The following CCDC183 variants were observed in gnomAD, a reference collection of about 807,000 sequenced individuals.
CCDC183 encodes coiled-coil domain-containing protein 183.
Under a neutral mutation model 65.2 loss-of-function variants are expected in CCDC183, and 63 were observed. The ratio of observed to expected loss-of-function variants is 0.97; its 90% confidence interval spans 0.79 to 1.19. CCDC183 has a LOEUF of 1.19. Among genes scored for constraint, CCDC183 ranks in the 50% most tolerant of loss-of-function variants. The pLI is 0.00. For missense variants in CCDC183, 769 were observed against 689.3 expected (o/e 1.12, Z -1.30); for synonymous variants, 323 against 276.5 (o/e 1.17, Z -1.67).
intron 3 of CCDC183, 54 bp downstream of exon 3, chr9:136,799,844 C>A (rs957194181): frequency 6.5e-7 from 1 of 1,538,642 alleles, no homozygotes; most frequent in Admixed American, 1.8e-5. Context: ...CTGCCAGCAC[C>A]CCCCCACTAG....
At chr9:136,807,419 G>A in intron 13 of CCDC183, 153 bp from the exon 14 acceptor site, 1 of 1,003,648 alleles carries the variant, frequency 1.0e-6, no homozygotes, top group Non-Finnish European at 1.4e-6. Flanking sequence ...GAGCCGCTGC[G>A]AATGGGCTGG....
chr9:136,800,663 T>C, intron 5 of CCDC183, 170 bp downstream of exon 5: 1 of 598,802 alleles, frequency 1.7e-6, no homozygotes, highest in Non-Finnish European at 3.0e-6. Flanking sequence ...AACTTCATTT[T>C]TGGCTATTCC....
In CCDC183 at chr9:136,804,851, G is replaced by A. The variant is rs1207200751; in HGVS notation, c.847+35G>A. 1.3e-6 allele frequency: 2 copies of A among 1,592,794 alleles called. No homozygotes were observed. The highest frequency in any genetic ancestry group is 1.7e-6 in the Non-Finnish European group (2 of 1,161,330). On this transcript the variant is annotated intron_variant, in intron 8 of 13. Coordinates refer to ENST00000338005, the MANE Select transcript of CCDC183 (RefSeq NM_001039374.5). The surrounding 1 kb of genome is among the most constrained non-coding windows in gnomAD (Gnocchi z 4.1). Reference sequence around the variant, plus strand: ...CAGCTCCCCACCTGCCCCCAGCCAGGGTCCCAAGGAGAGGCTGGCACTGAT... The same window carrying A: ...CAGCTCCCCACCTGCCCCCAGCCAGAGTCCCAAGGAGAGGCTGGCACTGAT...
In CCDC183 at chr9:136,800,458, C is replaced by T; in HGVS notation, c.508C>T (p.Leu170=). 6.2e-7 allele frequency: 1 copy of T among 1,612,808 alleles called. No individual in the cohort carries two copies. The highest frequency in any genetic ancestry group is 8.5e-7 in the Non-Finnish European group (1 of 1,179,424). Residue 170 remains leucine, a synonymous_variant, in exon 5 of 14, where the codon CTG becomes TTG. Transcript: ENST00000338005. ...IKIITSQNIH[L]LYLDLLDYLK... is the part of the protein sequence containing the mutation. ...GATCATCACCAGCCAGAACATCCACCTGCTGTATTTGGACCTGCTGGATTA... is the reference window on the plus strand; with the variant it reads ...GATCATCACCAGCCAGAACATCCACTTGCTGTATTTGGACCTGCTGGATTA...
At position 136,803,463 on chromosome 9, in the gene CCDC183, A is replaced by G. The variant is rs185841938; in HGVS notation, c.666+677A>G. Reference sequence around the variant, plus strand: ...AGGAGCCATGAAGTAGAGGAGAGGGAGAGAACTGGCCGGGCCAGGGCGGGG... The same window carrying G: ...AGGAGCCATGAAGTAGAGGAGAGGGGGAGAACTGGCCGGGCCAGGGCGGGG... On this transcript the variant is annotated intron_variant, in intron 6 of 13. Coordinates refer to ENST00000338005, the MANE Select transcript of CCDC183 (RefSeq NM_001039374.5). 4.0e-3 allele frequency among the ~76,000 whole-genome samples: 605 copies of G among 152,100 alleles called. 3 individuals are homozygous for G. The highest frequency in any genetic ancestry group is 0.014 in the African/African-American group (576 of 41,512).
rs1402108096 is a variant in CCDC183, at chr9:136,807,712, T to C, written c.*22T>C. 7 of 1,583,212 alleles carry C rather than the reference T, an allele frequency of 4.4e-6. No homozygotes were observed. The highest frequency in any genetic ancestry group is 6.0e-6 in the Non-Finnish European group (7 of 1,164,782). ...GTAGCCCCGCCGCCCCGCTCCCTGC[T>C]TTGCTACACAAATAAACATTTTTCC... On this transcript the variant is annotated 3_prime_UTR_variant, in exon 14 of 14. Transcript: ENST00000338005.
At position 136,806,811 on chromosome 9, in the gene CCDC183, G is replaced by T. The variant is rs567970505; in HGVS notation, c.1333G>T (p.Glu445Ter). The stretch of plus-strand genomic sequence containing the variant: ...TTTGAACAGCAAGCTGGCGTACTGC[G>T]AGGGGAAGCTCACGTACCTGGCTGA... ...LDLNSKLAYCEGKLTYLADRV... is the reference protein window; with the variant it reads ...LDLNSKLAYC The change falls in exon 12 of 14, where the codon GAG becomes TAG. Residue 445 changes from glutamate to a stop codon, truncating the protein, a stop_gained. Transcript: ENST00000338005. LOFTEE classifies it high-confidence loss of function. The T allele has an allele frequency of 6.2e-7, 1 of 1,613,638 alleles. No homozygotes were observed. The highest frequency in any genetic ancestry group is 1.7e-5 in the Admixed American group (1 of 60,024).
At chr9:136,801,358 T>C (rs1239741892) in intron 5 of CCDC183, among the ~76,000 whole-genome samples, 5 of 148,224 alleles carry the variant, frequency 3.4e-5, no homozygotes, top group African/African-American at 4.9e-5. Flanking sequence ...GCCTGGGTGC[T>C]TTCTGTTCCT....
intron 9 of CCDC183, 75 bp from the exon 10 acceptor site, chr9:136,806,003 G>C: frequency 7.9e-7 from 1 of 1,268,984 alleles, no homozygotes; most frequent in East Asian, 2.5e-5. Context: ...GGGCCCAGAA[G>C]AAACCAGTTC....
intron 6 of CCDC183, among the ~76,000 whole-genome samples, chr9:136,803,630 C>A (rs1463729198): frequency 6.6e-6 from 1 of 152,242 alleles, no homozygotes; most frequent in Non-Finnish European, 1.5e-5. Context: ...AGCCCCTGAG[C>A]CAGCTCAGCA....
intron 1 of CCDC183, among the ~76,000 whole-genome samples, chr9:136,798,839 C>T (rs1030377193): frequency 6.6e-6 from 1 of 152,218 alleles, no homozygotes; most frequent in Non-Finnish European, 1.5e-5. Context: ...GACCACAGGA[C>T]CCTGCCATCC....
chr9:136,804,285 C>T lies in CCDC183; in HGVS notation c.667-217C>T, dbSNP rs886784791. The stretch of plus-strand genomic sequence containing the variant: ...GGCCAGCGGCTGGAGGGCAGCAGAG[C>T]GTCTGGGCTGGCACATGCTCTGAGG... On this transcript the variant is annotated intron_variant, in intron 6 of 13. Transcript: ENST00000338005. The surrounding 1 kb of genome is among the most constrained non-coding windows in gnomAD (Gnocchi z 4.1). 9 of 580,864 alleles carry T rather than the reference C, an allele frequency of 1.5e-5. 1 individual carries two copies. Among genetic ancestry groups the T allele is most frequent in the South Asian group, 8.2e-5 (4 of 48,628 alleles). 36.0% of individuals were successfully genotyped at this position (580,864 alleles called of 1,614,324 possible). A position where few individuals can be genotyped will look rare whatever the true frequency, so the allele number is the denominator to read the frequency against.
intron 2 of CCDC183, 136 bp from the exon 3 acceptor site, chr9:136,799,577 C>A: frequency 1.2e-6 from 1 of 800,116 alleles, no homozygotes. Context: ...CCGCGGCTCT[C>A]TGCTCCTCGT....
At position 136,796,477 on chromosome 9, in the gene CCDC183, C is replaced by T; in HGVS notation, c.70+10C>T. On this transcript the variant is annotated intron_variant, in intron 1 of 13. Transcript: ENST00000338005. Reference sequence around the variant, plus strand: ...ATCACTCAGCTCCAGGGTGAGCCTGCACCGCCGTGACCAGTCTCCCTTTCC... The same window carrying T: ...ATCACTCAGCTCCAGGGTGAGCCTGTACCGCCGTGACCAGTCTCCCTTTCC... The T allele has an allele frequency of 3.2e-6, 5 of 1,550,776 alleles. No individual in the cohort carries two copies. The highest frequency in any genetic ancestry group is 4.4e-6 in the Non-Finnish European group (5 of 1,143,576).
rs1847771779 is a variant in CCDC183, at chr9:136,803,182, GATGGGGTCAAGGTGAGCTCA to G, written c.666+397_666+416del. On this transcript the variant is annotated intron_variant, in intron 6 of 13. Coordinates refer to ENST00000338005, the MANE Select transcript of CCDC183 (RefSeq NM_001039374.5). ...CAGGGCCAGCCCTCTTGGATCTTCG[GATGGGGTCAAGGTGAGCTCA>G]GGGCCCAGGGCTGGGGGCCCCCCAG... Among the ~76,000 whole-genome samples the G allele has an allele frequency of 9.3e-5, 4 of 43,000 alleles. 1 individual carries two copies. The highest frequency in any genetic ancestry group is 5.1e-4 in the African/African-American group (4 of 7,848). 28.2% of individuals were successfully genotyped at this position (43,000 alleles called of 152,430 possible). A position where few individuals can be genotyped will look rare whatever the true frequency, so the allele number is the denominator to read the frequency against.
chr9:136,799,877 C>A, intron 3 of CCDC183, 87 bp downstream of exon 3: 1 of 1,501,486 alleles, frequency 6.7e-7, no homozygotes, highest in Non-Finnish European at 9.1e-7. Flanking sequence ...CGACGAGGGA[C>A]GGAGCAGGTG....
chr9:136,796,609 C>T, intron 1 of CCDC183, 142 bp downstream of exon 1: 1 of 674,118 alleles, frequency 1.5e-6, no homozygotes, highest in South Asian at 1.8e-5. Context: ...TTGATCTGTA[C>T]TAAGAAAAAT....
Position 136,804,508 on chromosome 9 carries a change from A to G in CCDC183, c.673A>G (p.Met225Val). The stretch of plus-strand genomic sequence containing the variant: ...CCCACCCGCATGTCCCCAGAGGAAC[A>G]TGAGGCAAAGGGAGGCGTCCTTCAT... Reference protein sequence around the residue: ...MMITDEVKRNMRQREASFIEE... With the variant: ...MMITDEVKRNVRQREASFIEE... The change falls in exon 7 of 14, where the codon ATG becomes GTG. Residue 225 changes from methionine to valine, a missense_variant. By Grantham distance (21) the Met-to-Val change is conservative. Coordinates refer to ENST00000338005, the MANE Select transcript of CCDC183 (RefSeq NM_001039374.5). This position sits in a 1 kb window ranked among gnomAD's most constrained non-coding sequence, Gnocchi z 4.1. 1 of 1,612,718 alleles carries G rather than the reference A, an allele frequency of 6.2e-7. No individual in the cohort carries two copies. Among genetic ancestry groups the G allele is most frequent in the Non-Finnish European group, 8.5e-7 (1 of 1,179,796 alleles).
chr9:136,804,248 G>A lies in CCDC183; in HGVS notation c.667-254G>A, dbSNP rs536514709. 2.0e-5 allele frequency: 10 copies of A among 490,524 alleles called. No homozygotes were observed. Among genetic ancestry groups the A allele is most frequent in the Admixed American group, 1.0e-4 (3 of 29,958 alleles). The allele number at this position is 490,524 out of a possible 1,614,324, so 30.4% of individuals were successfully genotyped here. A position where few individuals can be genotyped will look rare whatever the true frequency, so the allele number is the denominator to read the frequency against. On this transcript the variant is annotated intron_variant, in intron 6 of 13. Coordinates refer to ENST00000338005, the MANE Select transcript of CCDC183 (RefSeq NM_001039374.5). This position sits in a 1 kb window ranked among gnomAD's most constrained non-coding sequence, Gnocchi z 4.1. ...GTGAGTTCTAGGTGGACCTGGCCAG[G>A]AGGCAGCTGGGGGCCAGCGGCTGGA...
Sources: gnomAD v4.1 joint callset for allele counts (sites outside exome capture counted in the v4.1 genomes callset) on GRCh38, gnomAD v4.1.1 for gene constraint, Gnocchi (gnomAD v3.1) non-coding constraint, MANE v1.5 for transcripts, NCBI Gene and HGNC (gene_info 2026-07-23, HGNC 2026-07-21) for gene names.